The following MED10 variants were observed in gnomAD, a reference collection of about 807,000 sequenced individuals.
MED10 encodes the protein mediator of RNA polymerase II transcription subunit 10.
MED10 carries 9 observed loss-of-function variants against 17.2 expected under a neutral mutation model. That is an observed-to-expected ratio of 0.52 (90% confidence interval 0.31 to 0.91). MED10 has a LOEUF of 0.91. Among genes scored for constraint, MED10 ranks in the 40% least tolerant of loss-of-function variants. The pLI, the probability that MED10 is intolerant of heterozygous loss-of-function variation, is 0.04. For synonymous variants in MED10, 66 were observed against 59.8 expected (o/e 1.10, Z -0.48); for missense variants, 129 against 164.8 (o/e 0.78, Z 1.19).
At chr5:6,374,556 T>C in intron 2 of MED10, 130 bp from the exon 3 acceptor site, 2 of 666,618 alleles carry the variant, frequency 3.0e-6, no homozygotes, top group Non-Finnish European at 5.4e-6. Flanking sequence ...CAAAACTCAG[T>C]GTAGGAACCA....
intron 3 of MED10, among the ~76,000 whole-genome samples, chr5:6,373,351 T>G (rs904179542): frequency 1.6e-4 from 24 of 152,178 alleles, no homozygotes; most frequent in African/African-American, 5.3e-4. Context: ...AGAACACTCA[T>G]GTCCTCTGTG....
At chr5:6,377,030 C>T in intron 2 of MED10, 136 bp downstream of exon 2, 2 of 449,486 alleles carry the variant, frequency 4.4e-6, no homozygotes. Context: ...TTTTTTTTTC[C>T]ACTGGCACAT....
chr5:6,377,267 A>C lies in MED10; in HGVS notation c.123-18T>G. 1 of 1,587,980 alleles carries C rather than the reference A, an allele frequency of 6.3e-7. No homozygotes were observed. Among genetic ancestry groups the C allele is most frequent in the East Asian group, 2.2e-5 (1 of 44,582 alleles). ...TAAAATTCCTGGGGGAAAGGCAAAC[A>C]CACAGGCATCTGGTTAATTTCGCTT... On this transcript the variant is annotated intron_variant, in intron 1 of 3. Coordinates refer to ENST00000255764, the MANE Select transcript of MED10 (RefSeq NM_032286.3).
intron 1 of MED10, 132 bp from the exon 2 acceptor site, chr5:6,377,381 G>C: frequency 2.1e-6 from 1 of 479,984 alleles, no homozygotes; most frequent in Non-Finnish European, 3.7e-6. Context: ...GTTACACACG[G>C]TTCTGACCTC....
At chr5:6,378,338 C>A in intron 1 of MED10, 24 bp downstream of exon 1, 1 of 1,579,428 alleles carries the variant, frequency 6.3e-7, no homozygotes. Context: ...GGGGAGACCC[C>A]GGCAGCCTCG....
At position 6,372,472 on chromosome 5, in the gene MED10, A is replaced by C; in HGVS notation, c.*31T>G. On this transcript the variant is annotated 3_prime_UTR_variant, in exon 4 of 4. Transcript: ENST00000255764. Reference sequence around the variant, plus strand: ...CAGCCTCACGCCGCATCGCAGTCCCAGGGGATCTTCACACAGGGAGGGTGA... The same window carrying C: ...CAGCCTCACGCCGCATCGCAGTCCCCGGGGATCTTCACACAGGGAGGGTGA... 6.3e-7 allele frequency: 1 copy of C among 1,590,480 alleles called. No individual in the cohort carries two copies. Among genetic ancestry groups the C allele is most frequent in the Non-Finnish European group, 8.6e-7 (1 of 1,158,886 alleles).
intron 1 of MED10, 92 bp from the exon 2 acceptor site, chr5:6,377,341 C>G (rs575472051): frequency 1.2e-6 from 1 of 844,346 alleles, no homozygotes; most frequent in Non-Finnish European, 1.9e-6. Flanking sequence ...CGGGGCTCCA[C>G]GCAAGTTCGT....
At chr5:6,377,898 C>T (rs1738033477) in intron 1 of MED10, among the ~76,000 whole-genome samples, 1 of 152,210 alleles carries the variant, frequency 6.6e-6, no homozygotes, top group Non-Finnish European at 1.5e-5. Context: ...CTATTTCCTC[C>T]ACTGTCAGGC....
chr5:6,374,451 A>G, intron 2 of MED10, 25 bp from the exon 3 acceptor site: 1 of 1,493,746 alleles, frequency 6.7e-7, no homozygotes. Flanking sequence ...TATTTCAATT[A>G]GCATTCTCAT....
rs760995611 is a variant in MED10 at position 6,374,335 on chromosome 5, C to T, written c.298G>A (p.Asp100Asn). The change falls in exon 3 of 4, where the codon GAC becomes AAC. Residue 100 changes from aspartate to asparagine, a missense_variant. This residue lies in a region of MED10 where 100 missense variants were observed against 121.0 expected (regional missense o/e 0.83). Coordinates refer to ENST00000255764, the MANE Select transcript of MED10 (RefSeq NM_032286.3). The stretch of plus-strand genomic sequence containing the variant: ...CCTTAGAGTCTTACCTTCATGGTGT[C>T]GATCTTGCCTTTAACTTGCTCATTT... ...AKNEQVKGKI[D>N]TMKKFKSLLI... 4.3e-6 allele frequency: 7 copies of T among 1,610,532 alleles called. No homozygotes were observed. In the East Asian group the frequency reaches 6.7e-5, roughly 15 times the overall value.
chr5:6,377,394 T>G (rs1157911018), intron 1 of MED10, 145 bp from the exon 2 acceptor site: 2 of 453,512 alleles, frequency 4.4e-6, no homozygotes, highest in Non-Finnish European at 7.8e-6. Context: ...CTGACCTCTT[T>G]GGTTAGCTAC....
At chr5:6,375,595 C>T (rs1174281957) in intron 2 of MED10, among the ~76,000 whole-genome samples, 6 of 152,342 alleles carry the variant, frequency 3.9e-5, no homozygotes, top group Non-Finnish European at 8.8e-5. Context: ...GTTTCTTCAA[C>T]AGCATGGACA....
intron 3 of MED10, among the ~76,000 whole-genome samples, chr5:6,372,937 T>C (rs1308637506): frequency 6.6e-6 from 1 of 152,142 alleles, no homozygotes; most frequent in Non-Finnish European, 1.5e-5. Context: ...TGTTGGCCAA[T>C]ATAATTCTCA....
Position 6,372,528 on chromosome 5 carries a change from C to T in MED10, c.383G>A (p.Arg128Gln), listed in dbSNP as rs750095010. ...PEDMAKYRSI[R>Q]GEDHPPS ...TTAAGAAGGCGGGTGATCCTCCCCC[C>T]GGATGCTTCGATACTTAGCCATGTC... Residue 128 changes from arginine to glutamine, a missense_variant, in exon 4 of 4, where the codon CGG becomes CAG. By Grantham distance (43) the Arg-to-Gln change is conservative. Around this residue, in one of 3 missense-constraint regions of MED10, gnomAD observed 100 missense variants for 121.0 expected, o/e 0.83. Transcript: ENST00000255764. The T allele has an allele frequency of 6.2e-6, 10 of 1,614,174 alleles. No homozygotes were observed. Among genetic ancestry groups the T allele is most frequent in the Admixed American group, 1.7e-5 (1 of 60,028 alleles).
At chr5:6,376,251 T>A (rs1737985993) in intron 2 of MED10, among the ~76,000 whole-genome samples, 1 of 152,190 alleles carries the variant, frequency 6.6e-6, no homozygotes, top group African/African-American at 2.4e-5. Context: ...AGAACTTGTA[T>A]CTCTGACCTT....
intron 3 of MED10, 59 bp downstream of exon 3, chr5:6,374,265 A>T: frequency 8.3e-7 from 1 of 1,205,838 alleles, no homozygotes; most frequent in Non-Finnish European, 1.2e-6. Flanking sequence ...TCTCTTAACC[A>T]AATTCCACTG....
chr5:6,376,900 CT>C (rs921578376), intron 2 of MED10: 1 of 286,572 alleles, frequency 3.5e-6, no homozygotes, highest in African/African-American at 2.2e-5. Flanking sequence ...ATTTAATAAG[CT>C]TTTATTTACA....
At chr5:6,377,583 A>G (rs1443633995) in intron 1 of MED10, among the ~76,000 whole-genome samples, 1 of 152,224 alleles carries the variant, frequency 6.6e-6, no homozygotes, top group South Asian at 2.1e-4. Context: ...CAGCGAACAC[A>G]TGAGGCAGCG....
chr5:6,378,016 G>A (rs1433622055), intron 1 of MED10, among the ~76,000 whole-genome samples: 6 of 152,234 alleles, frequency 3.9e-5, no homozygotes, highest in Non-Finnish European at 5.9e-5. Flanking sequence ...ATTCCCAGAA[G>A]GGCTCCAGGA....
Sources: gnomAD v4.1 joint callset for allele counts (sites outside exome capture counted in the v4.1 genomes callset) on GRCh38, gnomAD v4.1.1 for gene constraint, gnomAD v4.1.1 regional missense constraint, MANE v1.5 for transcripts, NCBI Gene and HGNC (gene_info 2026-07-23, HGNC 2026-07-21) for gene names.